Variants in DEFB1 observed in about 807,000 individuals in gnomAD.
DEFB1 encodes the protein defensin beta 1.
A neutral mutation model predicts 2.6 loss-of-function variants in DEFB1; 4 were observed. That is an observed-to-expected ratio of 1.53 (90% CI 0.76 to 3.51). The LOEUF (loss-of-function observed/expected upper bound fraction) is 3.51. Among genes scored for constraint, DEFB1 ranks in the 30% most tolerant of loss-of-function variants. The pLI is 0.01. For synonymous variants in DEFB1, 56 were observed against 28.5 expected, an observed-to-expected ratio of 1.96 and a Z score of -3.07; for missense variants, 162 against 76.9, an observed-to-expected ratio of 2.11 and a Z score of -4.14.
intron 1 of DEFB1, among the ~76,000 whole-genome samples, chr8:6,872,996 G>C (rs1196930246): frequency 6.6e-6 from 1 of 152,176 alleles, no homozygotes; most frequent in African/African-American, 2.4e-5. Flanking sequence ...AAATTTGAAA[G>C]CACTTTGAAA....
At chr8:6,872,819 T>C (rs1374500113) in intron 1 of DEFB1, among the ~76,000 whole-genome samples, 1 of 152,206 alleles carries the variant, frequency 6.6e-6, no homozygotes, top group Non-Finnish European at 1.5e-5. Context: ...AGTAAGATCA[T>C]GACCAGCTAG....
chr8:6,871,788 A>G (rs901101115), intron 1 of DEFB1, among the ~76,000 whole-genome samples: 1 of 152,208 alleles, frequency 6.6e-6, no homozygotes, highest in African/African-American at 2.4e-5. Context: ...CAGACACCTG[A>G]GAAGAAGCCA....
rs151335639 is a variant in DEFB1, at chr8:6,873,227, A to G, written c.62-2401T>C. Among the ~76,000 whole-genome samples, 32 of 152,330 alleles carry G rather than the reference A, an allele frequency of 2.1e-4. 1 individual carries two copies. In the East Asian group the frequency reaches 6.0e-3, roughly 28 times the overall value. On this transcript the variant is annotated intron_variant, in intron 1 of 1. Coordinates refer to ENST00000297439, the MANE Select transcript of DEFB1 (RefSeq NM_005218.4). ...ATGTCCCCAGAGCATGTAGCTGGTCAAAGACCAACCCCGGACCAGAATGGA... is the reference window on the plus strand; with the variant it reads ...ATGTCCCCAGAGCATGTAGCTGGTCGAAGACCAACCCCGGACCAGAATGGA...
chr8:6,871,305 A>T (rs1806301259), intron 1 of DEFB1, among the ~76,000 whole-genome samples: 1 of 152,128 alleles, frequency 6.6e-6, no homozygotes, highest in Admixed American at 6.6e-5. Flanking sequence ...ATTTCAGCTG[A>T]AATCTAGGAT....
intron 1 of DEFB1, among the ~76,000 whole-genome samples, chr8:6,873,297 G>T (rs998387574): frequency 1.3e-5 from 2 of 152,170 alleles, no homozygotes; most frequent in Non-Finnish European, 2.9e-5. Context: ...TCACCACACT[G>T]CTGGTTGACT....
At chr8:6,875,412 C>T (rs988045768) in intron 1 of DEFB1, among the ~76,000 whole-genome samples, 1 of 152,046 alleles carries the variant, frequency 6.6e-6, no homozygotes, top group Non-Finnish European at 1.5e-5. Context: ...TAAAGAACTA[C>T]AAACCAATAA....
rs761637452 is a variant in DEFB1 at position 6,877,822 on chromosome 8, G to A, written c.36C>T (p.Cys12=). Residue 12 remains cysteine (C), a synonymous_variant, in exon 1 of 2, where the codon TGC becomes TGT. Coordinates refer to ENST00000297439, the MANE Select transcript of DEFB1 (RefSeq NM_005218.4). ...CTGAGGCCATCTCAGACAAAAGTAA[G>A]CAGAGAGTAAACAGCAGAAGGTAGG... The part of the protein sequence containing the change: ...RTSYLLLFTL[C]LLLSEMASGG... 6 of 1,614,044 alleles carry A rather than the reference G, an allele frequency of 3.7e-6. No homozygotes were observed. In the East Asian group the frequency reaches 8.9e-5, roughly 24 times the overall value.
chr8:6,872,348 T>C (rs901827389), intron 1 of DEFB1, among the ~76,000 whole-genome samples: 4 of 152,252 alleles, frequency 2.6e-5, no homozygotes, highest in South Asian at 2.1e-4. Flanking sequence ...CCTAGCCGCA[T>C]TGCAAGTGCT....
At chr8:6,874,706 G>A (rs1806455246) in intron 1 of DEFB1, among the ~76,000 whole-genome samples, 1 of 152,224 alleles carries the variant, frequency 6.6e-6, no homozygotes, top group African/African-American at 2.4e-5. Context: ...TCTGGGCTGG[G>A]CATGGTGGCT....
intron 1 of DEFB1, among the ~76,000 whole-genome samples, chr8:6,871,223 C>A (rs562373062): frequency 6.6e-6 from 1 of 152,224 alleles, no homozygotes; most frequent in African/African-American, 2.4e-5. Context: ...GCCTACACTT[C>A]CCTCCTTCCA....
At chr8:6,873,291 C>A (rs1232237665) in intron 1 of DEFB1, among the ~76,000 whole-genome samples, 1 of 152,228 alleles carries the variant, frequency 6.6e-6, no homozygotes, top group African/African-American at 2.4e-5. Context: ...TCCACTTCAC[C>A]ACACTGCTGG....
chr8:6,873,646 C>A (rs1806406063), intron 1 of DEFB1, among the ~76,000 whole-genome samples: 1 of 151,924 alleles, frequency 6.6e-6, no homozygotes, highest in Non-Finnish European at 1.5e-5. Flanking sequence ...TAAGTGGGGG[C>A]TAAACACTGA....
chr8:6,873,089 G>A (rs1157566885), intron 1 of DEFB1, among the ~76,000 whole-genome samples: 1 of 152,314 alleles, frequency 6.6e-6, no homozygotes, highest in East Asian at 1.9e-4. Context: ...ATTAAGCAGA[G>A]GAGGCCCAAA....
chr8:6,877,393 G>T (rs1462630824), intron 1 of DEFB1, among the ~76,000 whole-genome samples: 1 of 152,236 alleles, frequency 6.6e-6, no homozygotes, highest in Non-Finnish European at 1.5e-5. Flanking sequence ...ACCTGTACCA[G>T]GGCACCCCAG....
intron 1 of DEFB1, among the ~76,000 whole-genome samples, chr8:6,871,407 C>T (rs1384391461): frequency 6.6e-6 from 1 of 152,028 alleles, no homozygotes; most frequent in Non-Finnish European, 1.5e-5. Context: ...CTCCCAGTAT[C>T]CCAGATCTGA....
chr8:6,871,843 C>T (rs376897470), intron 1 of DEFB1, among the ~76,000 whole-genome samples: 22 of 152,186 alleles, frequency 1.4e-4, no homozygotes, highest in East Asian at 5.8e-4. Flanking sequence ...TCCAGGACTG[C>T]GAGGAAATAA....
intron 1 of DEFB1, among the ~76,000 whole-genome samples, chr8:6,876,006 T>C (rs1471199967): frequency 6.6e-6 from 1 of 152,168 alleles, no homozygotes. Flanking sequence ...ACAAAAATTC[T>C]TTATGTTAAC....
chr8:6,876,479 AAAAACAAAAC>A (rs774368804), intron 1 of DEFB1, among the ~76,000 whole-genome samples: 1 of 151,814 alleles, frequency 6.6e-6, no homozygotes, highest in Non-Finnish European at 1.5e-5. Flanking sequence ...TCCATCTCAA[AAAAACAAAAC>A]AAAACAAAAC....
intron 1 of DEFB1, among the ~76,000 whole-genome samples, chr8:6,875,446 A>T (rs1264368520): frequency 6.6e-6 from 1 of 152,222 alleles, no homozygotes; most frequent in African/African-American, 2.4e-5. Context: ...ATCCAAAAGA[A>T]AACATGGACA....
Sources: gnomAD v4.1 joint callset for allele counts (sites outside exome capture counted in the v4.1 genomes callset) on GRCh38, gnomAD v4.1.1 for gene constraint, MANE v1.5 for transcripts, NCBI Gene and HGNC (gene_info 2026-07-23, HGNC 2026-07-21) for gene names.